MUC3A: variants seen among roughly 807,000 people sequenced by gnomAD.
MUC3A encodes the protein mucin 3A, cell surface associated.
MUC3A carries 109 observed loss-of-function variants against 109.0 expected under a neutral mutation model. The ratio of observed to expected loss-of-function variants is 1.00; its 90% CI spans 0.86 to 1.17. The LOEUF (loss-of-function observed/expected upper bound fraction) is 1.17, where lower values mean the gene tolerates loss of function less well. Among genes scored for constraint, MUC3A ranks in the 50% most tolerant of loss-of-function variants. The pLI, the probability that MUC3A is intolerant of heterozygous loss-of-function variation, is 0.00. For missense variants in MUC3A, 3,537 were observed against 2,469.4 expected, an observed-to-expected ratio of 1.43 and a Z score of -9.16; for synonymous variants, 1,398 against 981.4, an observed-to-expected ratio of 1.42 and a Z score of -7.93.
rs778304652 is a variant in MUC3A, at chr7:100,958,717, C to G, written c.6938C>G (p.Thr2313Ser). ...STPSFTSSIT[T>S]TETTSHSAHS... ...CCCAGCTTCACTTCTTCGATCACCA[C>G]CACGGAGACCACCTCACACAGTGCT... The change falls in exon 2 of 12, where the codon ACC becomes AGC. Residue 2313 changes from threonine to serine, a missense_variant. Thr to Ser is a moderately conservative substitution (Grantham distance 58). Transcript: ENST00000379458. 13 of 1,252,634 alleles carry G rather than the reference C, an allele frequency of 1.0e-5. No individual in the cohort carries two copies. The highest frequency in any genetic ancestry group is 1.2e-5 in the Non-Finnish European group (12 of 991,242). The allele number at this position is 1,252,634 out of a possible 1,614,324, so 77.6% of individuals were successfully genotyped here.
chr7:100,952,428 A>G lies in MUC3A; in HGVS notation c.649A>G (p.Thr217Ala). Reference protein sequence around the residue: ...SVSATDTTFHTTISSTTRTTE... With the variant: ...SVSATDTTFHATISSTTRTTE... ...GTCAGCCACAGACACAACCTTCCAC[A>G]CTACAATCTCGTCTACAACTAGAAC... The change falls in exon 2 of 12, where the codon ACT (threonine) becomes GCT (alanine). Residue 217 changes from threonine to alanine, a missense_variant. By Grantham distance (58) the Thr-to-Ala change is moderately conservative. Transcript: ENST00000379458. 6.3e-6 allele frequency: 10 copies of G among 1,598,608 alleles called. No homozygotes were observed. Among genetic ancestry groups the G allele is most frequent in the Non-Finnish European group, 8.5e-6 (10 of 1,179,810 alleles).
In MUC3A at chr7:100,960,527, C is replaced by T. The variant is rs766852379; in HGVS notation, c.8748C>T (p.Thr2916=). The T allele has an allele frequency of 1.4e-5, 22 of 1,598,666 alleles. No individual in the cohort carries two copies. The East Asian group carries it at 3.1e-4, about 23-fold the overall frequency. ...SSKSTHPSPP[T]TRTSETPVAT... ...AGTCAACACACCCCTCCCCACCCAC[C>T]ACTAGGACTTCAGAGACACCAGTGG... The change falls in exon 2 of 12, where the codon ACC becomes ACT. Residue 2916 remains threonine, a synonymous_variant. Coordinates refer to ENST00000379458, the MANE Select transcript of MUC3A (RefSeq NM_005960.2).
In MUC3A at chr7:100,958,523, T is replaced by A. The variant is rs1301051474; in HGVS notation, c.6744T>A (p.Thr2248=). ...CTTCTTCAATCACCACCACTGAGAC[T>A]ACATCCCACAGTACTCCCAGCTTCA... ...GFTSSITTTE[T]TSHSTPSFTS... The change falls in exon 2 of 12, where the codon ACT becomes ACA. Residue 2248 remains threonine (T), a synonymous_variant. Coordinates refer to ENST00000379458, the MANE Select transcript of MUC3A (RefSeq NM_005960.2). 8 of 273,168 alleles carry A rather than the reference T, an allele frequency of 2.9e-5. No homozygotes were observed. The highest frequency in any genetic ancestry group is 5.4e-5 in the Non-Finnish European group (8 of 147,440). 16.9% of individuals were successfully genotyped at this position (273,168 alleles called of 1,614,324 possible).
Position 100,959,490 on chromosome 7 carries a change from G to A in MUC3A, c.7711G>A (p.Val2571Ile), listed in dbSNP as rs1792238945. Residue 2571 changes from valine (V) to isoleucine (I), a missense_variant, in exon 2 of 12, where the codon GTT becomes ATT. Val to Ile is a conservative substitution (Grantham distance 29). Coordinates refer to ENST00000379458, the MANE Select transcript of MUC3A (RefSeq NM_005960.2). ...TPISSFSTSI[V>I]VIPETPTQTP... ...AATCAGTTCCTTTAGCACAAGTATT[G>A]TTGTTATACCTGAAACCCCAACACA... is the stretch of plus-strand genomic sequence containing the variant. 2.5e-6 allele frequency: 4 copies of A among 1,584,912 alleles called. No individual in the cohort carries two copies. Among genetic ancestry groups the A allele is most frequent in the African/African-American group, 1.3e-5 (1 of 74,522 alleles).
At position 100,966,687 on chromosome 7, in the gene MUC3A, G is replaced by C; in HGVS notation, c.9821G>C (p.Trp3274Ser). The change falls in exon 10 of 12, where the codon TGG becomes TCG. Residue 3274 changes from tryptophan to serine, a missense_variant. Physicochemically the swap from Trp to Ser is radical, Grantham distance 177. Transcript: ENST00000379458. ...WDQDRKWFETWDEEVVGTFSN... is the reference protein window; with the variant it reads ...WDQDRKWFETSDEEVVGTFSN... ...CAGGACAGGAAATGGTTCGAGACCT[G>C]GGATGAGGAAGTCGTGGGCACTTTT... 1 of 1,598,552 alleles carries C rather than the reference G, an allele frequency of 6.3e-7. No individual in the cohort carries two copies. Among genetic ancestry groups the C allele is most frequent in the Non-Finnish European group, 8.5e-7 (1 of 1,179,828 alleles).
Position 100,949,705 on chromosome 7 carries a change from G to A in MUC3A, c.61+20G>A. ...CCACAGGTAAGGGGGAGAGGCGGAA[G>A]GGGGTTGGAGAAAAGCTCCTGATGT... On this transcript the variant is annotated intron_variant, in intron 1 of 11. Coordinates refer to ENST00000379458, the MANE Select transcript of MUC3A (RefSeq NM_005960.2). 2 of 1,515,058 alleles carry A rather than the reference G, an allele frequency of 1.3e-6. No homozygotes were observed. Among genetic ancestry groups the A allele is most frequent in the Non-Finnish European group, 1.8e-6 (2 of 1,136,300 alleles). 93.9% of individuals were successfully genotyped at this position (1,515,058 alleles called of 1,614,324 possible).
intron 8 of MUC3A, 39 bp from the exon 9 acceptor site, chr7:100,966,347 C>G (rs1416535487): frequency 1.3e-5 from 17 of 1,300,360 alleles, no homozygotes; most frequent in African/African-American, 1.5e-5. Context: ...GACCCCGAGC[C>G]CGGAGGTGAA....
In MUC3A at chr7:100,958,322, A is replaced by C. The variant is rs1183247583; in HGVS notation, c.6543A>C (p.Thr2181=). The change falls in exon 2 of 12, where the codon ACA becomes ACC. Residue 2181 remains threonine (T), a synonymous_variant. Transcript: ENST00000379458. ...TSHRWGTTET[T]SYSTPSFTSS... is the part of the protein sequence containing the mutation. ...ACAGGTGGGGGACCACCGAGACCAC[A>C]TCCTACAGTACTCCCAGCTTCACTT... The C allele has an allele frequency of 2.2e-3, 151 of 69,080 alleles. 1 individual carries two copies. The highest frequency in any genetic ancestry group is 7.9e-3 in the Admixed American group (24 of 3,038). The allele number at this position is 69,080 out of a possible 1,614,324, so 4.3% of individuals were successfully genotyped here.
In MUC3A at chr7:100,964,746, C is replaced by T. The variant is rs199794409; in HGVS notation, c.9285C>T (p.Ser3095=). ...TGGTCCTGCTGGAGATGCCCTTCAG[C>T]CCCCAGCTGGAGAGCGAGTATGAGC... ...DYLVLLEMPF[S]PQLESEYEQV... Residue 3095 remains serine, a synonymous_variant, in exon 6 of 12, where the codon AGC becomes AGT. Coordinates refer to ENST00000379458, the MANE Select transcript of MUC3A (RefSeq NM_005960.2). 0.019 allele frequency: 29,950 copies of T among 1,585,346 alleles called. No individual in the cohort carries two copies. The highest frequency in any genetic ancestry group is 0.022 in the Non-Finnish European group (25,686 of 1,169,464).
chr7:100,949,544 C>A lies in MUC3A; in HGVS notation c.-81C>A. 1 of 1,213,896 alleles carries A rather than the reference C, an allele frequency of 8.2e-7. No individual in the cohort carries two copies. The highest frequency in any genetic ancestry group is 1.1e-6 in the Non-Finnish European group (1 of 938,376). 75.2% of individuals were successfully genotyped at this position (1,213,896 alleles called of 1,614,324 possible). On this transcript the variant is annotated 5_prime_UTR_variant, in exon 1 of 12. Transcript: ENST00000379458. ...AAACCGATAACCAGCACTTTCATTACGTGCACGCCCCAGGGCCACGTCCCT... is the reference window on the plus strand; with the variant it reads ...AAACCGATAACCAGCACTTTCATTAAGTGCACGCCCCAGGGCCACGTCCCT...
chr7:100,958,326 T>TGTCAC lies in MUC3A; in HGVS notation c.6547_6548insGTCAC (p.Tyr2183CysfsTer113). 9 of 68,254 alleles carry TGTCAC rather than the reference T, an allele frequency of 1.3e-4. No homozygotes were observed. The highest frequency in any genetic ancestry group is 1.9e-4 in the Non-Finnish European group (8 of 41,144). 4.2% of individuals were successfully genotyped at this position (68,254 alleles called of 1,614,324 possible). ...GTGGGGGACCACCGAGACCACATCCTACAGTACTCCCAGCTTCACTTCTTC... is the reference window on the plus strand; with the variant it reads ...GTGGGGGACCACCGAGACCACATCCTGTCACACAGTACTCCCAGCTTCACTTCTTC... On this transcript the variant is annotated frameshift_variant, in exon 2 of 12. Coordinates refer to ENST00000379458, the MANE Select transcript of MUC3A (RefSeq NM_005960.2). LOFTEE classifies it high-confidence loss of function.
intron 3 of MUC3A, among the ~76,000 whole-genome samples, chr7:100,961,436 C>T (rs2904857): frequency 7.4e-5 from 2 of 27,168 alleles, no homozygotes; most frequent in African/African-American, 1.2e-4. Context: ...TCATCTCCCT[C>T]TAATGAACTC....
At chr7:100,964,306 A>AAT in intron 5 of MUC3A, 1 of 157,680 alleles carries the variant, frequency 6.3e-6, no homozygotes, top group Non-Finnish European at 1.3e-5. Flanking sequence ...ATAATAATAA[A>AAT]ATGATTAGCC....
Position 100,963,603 on chromosome 7 carries a change from G to T in MUC3A, c.9169-85G>T, listed in dbSNP as rs1428095659. On this transcript the variant is annotated intron_variant, in intron 4 of 11. Coordinates refer to ENST00000379458, the MANE Select transcript of MUC3A (RefSeq NM_005960.2). Reference sequence around the variant, plus strand: ...CCCGGCCGGGGAGGGGAATTGAAGGGTCTTCCCTGGAGCTGGGGTTGGGCG... The same window carrying T: ...CCCGGCCGGGGAGGGGAATTGAAGGTTCTTCCCTGGAGCTGGGGTTGGGCG... 5.0e-6 allele frequency: 8 copies of T among 1,590,098 alleles called. No homozygotes were observed. In the East Asian group the frequency reaches 1.3e-4, roughly 27 times the overall value.
intron 3 of MUC3A, among the ~76,000 whole-genome samples, chr7:100,962,853 A>C (rs77511755): frequency 0.11 from 5,078 of 45,490 alleles, no homozygotes; most frequent in South Asian, 0.23. Flanking sequence ...CTCTCTCTCT[A>C]TCTTTCTTTT....
chr7:100,959,493 G>T lies in MUC3A; in HGVS notation c.7714G>T (p.Val2572Phe), dbSNP rs1364482415. 17 of 1,585,972 alleles carry T rather than the reference G, an allele frequency of 1.1e-5. No homozygotes were observed. Among genetic ancestry groups the T allele is most frequent in the Non-Finnish European group, 1.4e-5 (17 of 1,174,852 alleles). ...PISSFSTSIV[V>F]IPETPTQTPP... The stretch of plus-strand genomic sequence containing the variant: ...CAGTTCCTTTAGCACAAGTATTGTT[G>T]TTATACCTGAAACCCCAACACAGAC... Residue 2572 changes from valine to phenylalanine, a missense_variant, in exon 2 of 12, where the codon GTT (valine) becomes TTT (phenylalanine). Transcript: ENST00000379458.
intron 3 of MUC3A, among the ~76,000 whole-genome samples, chr7:100,962,354 G>A (rs549910072): frequency 6.6e-6 from 1 of 152,280 alleles, no homozygotes; most frequent in Non-Finnish European, 1.5e-5. Context: ...GGAGTTCAAG[G>A]CTGCAGTGAG....
chr7:100,951,870 C>T lies in MUC3A; in HGVS notation c.91C>T (p.Gln31Ter), dbSNP rs1791952608. Residue 31 changes from glutamine to a stop codon, truncating the protein, a stop_gained, in exon 2 of 12, where the codon CAA (glutamine) becomes TAA (stop). Coordinates refer to ENST00000379458, the MANE Select transcript of MUC3A (RefSeq NM_005960.2). LOFTEE classifies it high-confidence loss of function. The part of the protein sequence containing the change: ...GTLSTATSIS[Q>*]VPFPRAEAAS... ...TTTATCCACGGCCACATCCATCTCTCAAGTGCCTTTCCCCAGAGCAGAAGC... is the reference window on the plus strand; with the variant it reads ...TTTATCCACGGCCACATCCATCTCTTAAGTGCCTTTCCCCAGAGCAGAAGC... 5.6e-6 allele frequency: 9 copies of T among 1,598,204 alleles called. No individual in the cohort carries two copies. Among genetic ancestry groups the T allele is most frequent in the South Asian group, 1.1e-5 (1 of 91,088 alleles).
Position 100,959,188 on chromosome 7 carries a change from T to C in MUC3A, c.7409T>C (p.Val2470Ala). ...TSHFTTSETA[V>A]TPTPVTPSSL... The stretch of plus-strand genomic sequence containing the variant: ...CATTTTACTACCTCAGAGACTGCGG[T>C]GACTCCCACACCTGTAACCCCATCT... The change falls in exon 2 of 12, where the codon GTG (valine) becomes GCG (alanine). Residue 2470 changes from valine (V) to alanine (A), a missense_variant. Transcript: ENST00000379458. The C allele has an allele frequency of 6.3e-7, 1 of 1,598,296 alleles. No homozygotes were observed. Among genetic ancestry groups the C allele is most frequent in the Middle Eastern group, 1.7e-4 (1 of 6,060 alleles).
Sources: allele counts gnomAD v4.1 joint callset (sites outside exome capture counted in the v4.1 genomes callset), GRCh38; gene constraint gnomAD v4.1.1; transcripts MANE v1.5; gene names NCBI Gene and HGNC (gene_info 2026-07-23, HGNC 2026-07-21).